The following GANC variants were observed in gnomAD, a reference collection of about 807,000 sequenced individuals.
The protein encoded by GANC is neutral alpha-glucosidase C.
GANC carries 117 observed loss-of-function variants against 124.2 expected under a neutral mutation model. That is an observed-to-expected ratio of 0.94 (90% CI 0.81 to 1.10). The LOEUF is 1.10. Ranked by LOEUF, GANC falls within the 50% of genes least tolerant of loss-of-function variation. The probability of loss-of-function intolerance (pLI) is 0.00; values close to 1 mark genes in which losing one functional copy is unlikely to be tolerated. For missense variants in GANC, 1,140 were observed against 1,095.0 expected (o/e 1.04, Z -0.58); for synonymous variants, 377 against 376.8 (o/e 1.00, Z -0.01).
At chr15:42,332,851 TA>T (rs5812220) in intron 15 of GANC, among the ~76,000 whole-genome samples, 9,216 of 120,392 alleles carry the variant, frequency 0.077, 384 homozygotes, top group South Asian at 0.15. Context: ...CTGTCTCTAC[TA>T]AAAAAAAAAA....
chr15:42,303,761 G>T (rs915539163), intron 6 of GANC, among the ~76,000 whole-genome samples: 18 of 150,726 alleles, frequency 1.2e-4, no homozygotes, highest in African/African-American at 4.1e-4. Context: ...ACAAAAAAGG[G>T]CATTACATAA....
rs576705270 is a variant in GANC, at chr15:42,278,736, G to A, written c.201+146G>A. ...TTTTAGTGATTAGTGGCTCACGCCT[G>A]TAATCCCAGCACTCTGGGAGGCAGA... On this transcript the variant is annotated intron_variant, in intron 3 of 23. Coordinates refer to ENST00000318010, the MANE Select transcript of GANC (RefSeq NM_198141.3). 2.6e-5 allele frequency: 15 copies of A among 576,336 alleles called. No homozygotes were observed. The African/African-American group carries it at 2.7e-4, about 10-fold the overall frequency. The allele number at this position is 576,336 out of a possible 1,614,324, so 35.7% of individuals were successfully genotyped here.
rs2052093169 is a variant in GANC at position 42,315,374 on chromosome 15, CAACA to C, written c.1057+4533_1057+4536del. 3.9e-5 allele frequency among the ~76,000 whole-genome samples: 6 copies of C among 152,208 alleles called. No homozygotes were observed. The South Asian group carries it at 1.0e-3, about 26-fold the overall frequency. On this transcript the variant is annotated intron_variant, in intron 10 of 23. Coordinates refer to ENST00000318010, the MANE Select transcript of GANC (RefSeq NM_198141.3). ...TCTCCAAAGAAGATAAATAAGTGAACAACAAACACATGAAAATATGCTCAGCATT... is the reference window on the plus strand; with the variant it reads ...TCTCCAAAGAAGATAAATAAGTGAACAACACATGAAAATATGCTCAGCATT...
chr15:42,281,435 GC>G (rs869268110), intron 3 of GANC, among the ~76,000 whole-genome samples: 2 of 66,520 alleles, frequency 3.0e-5, no homozygotes, highest in Admixed American at 1.4e-4. Context: ...TATAATCCCA[GC>G]ACTTTGGGAG....
At chr15:42,301,945 C>T (rs550428737) in intron 6 of GANC, among the ~76,000 whole-genome samples, 3 of 152,220 alleles carry the variant, frequency 2.0e-5, no homozygotes, top group African/African-American at 4.8e-5. Flanking sequence ...CTTAAACATT[C>T]GTGCCTGCCA....
rs563029919 is a variant in GANC at position 42,283,261 on chromosome 15, G to C, written c.202-4430G>C. ...TTTTCTCACATAGGGTCCTAATATA[G>C]TGTTGTGCTTATTCCTGATGACAGA... is the stretch of plus-strand genomic sequence containing the variant. On this transcript the variant is annotated intron_variant, in intron 3 of 23. Transcript: ENST00000318010. Among the ~76,000 whole-genome samples the C allele has an allele frequency of 3.9e-5, 6 of 152,334 alleles. No homozygotes were observed. In the South Asian group the frequency reaches 1.0e-3, roughly 26 times the overall value.
At chr15:42,290,233 T>C (rs1460076898) in intron 4 of GANC, among the ~76,000 whole-genome samples, 1 of 152,240 alleles carries the variant, frequency 6.6e-6, no homozygotes, top group Non-Finnish European at 1.5e-5. Flanking sequence ...TACTGCATTC[T>C]GATTATCATG....
chr15:42,352,237 T>C lies in GANC; in HGVS notation c.*98T>C. On this transcript the variant is annotated 3_prime_UTR_variant, in exon 24 of 24. Coordinates refer to ENST00000318010, the MANE Select transcript of GANC (RefSeq NM_198141.3). Reference sequence around the variant, plus strand: ...GATTTTTGCTGCAATCTGTTTGCCTTCCCTGAATCAAAATAATCTTTCATT... The same window carrying C: ...GATTTTTGCTGCAATCTGTTTGCCTCCCCTGAATCAAAATAATCTTTCATT... 2 of 1,539,592 alleles carry C rather than the reference T, an allele frequency of 1.3e-6. No homozygotes were observed. Among genetic ancestry groups the C allele is most frequent in the Non-Finnish European group, 1.8e-6 (2 of 1,141,804 alleles).
chr15:42,342,243 C>T (rs910150964), intron 18 of GANC, among the ~76,000 whole-genome samples: 2 of 152,092 alleles, frequency 1.3e-5, no homozygotes, highest in African/African-American at 4.8e-5. Context: ...ATTTTACATA[C>T]GTGTTGTGCC....
chr15:42,276,130 C>G (rs2051668487), intron 1 of GANC: 1 of 365,148 alleles, frequency 2.7e-6, no homozygotes, highest in East Asian at 5.4e-5. Context: ...AATCCCAGAA[C>G]CTGATGTTTT....
rs1446459834 is a variant in GANC at position 42,305,932 on chromosome 15, G to A, written c.559-614G>A. On this transcript the variant is annotated intron_variant, in intron 6 of 23. Coordinates refer to ENST00000318010, the MANE Select transcript of GANC (RefSeq NM_198141.3). ...CACAGGGAGGGGAACATCACACACC[G>A]GGGTCTGTTGGGGGATGGGGGGCTA... Among the ~76,000 whole-genome samples, 12 of 152,022 alleles carry A rather than the reference G, an allele frequency of 7.9e-5. No homozygotes were observed. The East Asian group carries it at 1.5e-3, about 20-fold the overall frequency.
At chr15:42,339,282 T>G (rs1238606466) in intron 16 of GANC, among the ~76,000 whole-genome samples, 1 of 144,186 alleles carries the variant, frequency 6.9e-6, no homozygotes, top group African/African-American at 2.6e-5. Flanking sequence ...CCAAAGGAAA[T>G]CAGTTGCCAA....
intron 10 of GANC, among the ~76,000 whole-genome samples, chr15:42,316,246 A>AT (rs2052100370): frequency 6.6e-6 from 1 of 152,160 alleles, no homozygotes; most frequent in Non-Finnish European, 1.5e-5. Flanking sequence ...GAGATGAGAG[A>AT]TTGTAAGAAA....
At chr15:42,332,186 G>A (rs957738722) in intron 15 of GANC, among the ~76,000 whole-genome samples, 2 of 152,126 alleles carry the variant, frequency 1.3e-5, no homozygotes, top group Non-Finnish European at 2.9e-5. Flanking sequence ...ATGGAAGATA[G>A]TAATTTAAAT....
chr15:42,310,885 C>T (rs2412694), intron 10 of GANC, 39 bp downstream of exon 10: 1,566,111 of 1,596,222 alleles, frequency 0.98, 771,029 homozygotes, highest in Non-Finnish European at 1. Flanking sequence ...TGTTCTGTTA[C>T]ATATCCAATG....
At position 42,353,319 on chromosome 15, in the gene GANC, G is replaced by C; in HGVS notation, c.*1180G>C. 1.0e-6 allele frequency: 1 copy of C among 986,224 alleles called. No homozygotes were observed. The highest frequency in any genetic ancestry group is 1.7e-5 in the African/African-American group (1 of 57,302). 61.1% of individuals were successfully genotyped at this position (986,224 alleles called of 1,614,324 possible). A position where few individuals can be genotyped will look rare whatever the true frequency, so the allele number is the denominator to read the frequency against. Reference sequence around the variant, plus strand: ...CACCTCTGTGCCTTCTGATCCCTGGGCGCCAATATCCTCCTGCCCTTACCA... The same window carrying C: ...CACCTCTGTGCCTTCTGATCCCTGGCCGCCAATATCCTCCTGCCCTTACCA... On this transcript the variant is annotated 3_prime_UTR_variant, in exon 24 of 24. Coordinates refer to ENST00000318010, the MANE Select transcript of GANC (RefSeq NM_198141.3).
chr15:42,281,262 A>T (rs925978724), intron 3 of GANC: 7 of 623,522 alleles, frequency 1.1e-5, no homozygotes. Context: ...CCTCCTTGTC[A>T]TGTGGTGTTG....
intron 3 of GANC, among the ~76,000 whole-genome samples, chr15:42,282,930 A>T (rs1372049533): frequency 1.3e-5 from 2 of 152,128 alleles, no homozygotes; most frequent in African/African-American, 2.4e-5. Context: ...GTGGAGAGAG[A>T]GTGTGTACAC....
intron 11 of GANC, 51 bp downstream of exon 11, chr15:42,322,071 T>C: frequency 6.8e-7 from 1 of 1,471,052 alleles, no homozygotes; most frequent in Non-Finnish European, 9.3e-7. Context: ...TTTTAAAAAA[T>C]GTTTTAGACT....
Sources: allele counts gnomAD v4.1 joint callset (sites outside exome capture counted in the v4.1 genomes callset), GRCh38; gene constraint gnomAD v4.1.1; transcripts MANE v1.5; gene names NCBI Gene and HGNC (gene_info 2026-07-23, HGNC 2026-07-21).